Variants in HIVEP1 observed in about 807,000 individuals in gnomAD.
HIVEP1 encodes the protein zinc finger protein 40.
Under a neutral mutation model 180.0 loss-of-function variants are expected in HIVEP1, and 36 were observed. The ratio of observed to expected loss-of-function variants is 0.20; its 90% confidence interval spans 0.15 to 0.26. The LOEUF (loss-of-function observed/expected upper bound fraction) is 0.26, where lower values mean the gene tolerates loss of function less well. HIVEP1 is among the 10% of genes least tolerant of loss of function. The pLI is 1.00. For synonymous variants in HIVEP1, 1,239 were observed against 1,239.0 expected (o/e 1.00, Z 0.00); for missense variants, 3,143 against 3,268.7 (o/e 0.96, Z 0.94).
At chr6:12,199,262 A>G in the HIVEP1 span, among the ~76,000 whole-genome samples, 1 of 152,170 alleles carries the variant, frequency 6.6e-6, no homozygotes, top group East Asian at 1.9e-4. Flanking sequence ...ACCAGTCACT[A>G]CACAGGACTG....
intron 7 of HIVEP1, among the ~76,000 whole-genome samples, chr6:12,142,971 A>G (rs1759142603): frequency 6.6e-6 from 1 of 152,232 alleles, no homozygotes; most frequent in Non-Finnish European, 1.5e-5. Flanking sequence ...AGGAGCTGGT[A>G]CCATTCCTTC....
At chr6:12,050,911 G>A (rs1408026247) in intron 2 of HIVEP1, among the ~76,000 whole-genome samples, 12 of 150,116 alleles carry the variant, frequency 8.0e-5, no homozygotes, top group African/African-American at 2.9e-4. Context: ...CAGGCCAGGC[G>A]CTAGGCATGC....
chr6:12,020,110 T>C (rs1344083788), intron 2 of HIVEP1: 1 of 270,442 alleles, frequency 3.7e-6, no homozygotes, highest in Non-Finnish European at 7.6e-6. Flanking sequence ...ATTGGGGACA[T>C]AAGTGAGACA....
intron 2 of HIVEP1, among the ~76,000 whole-genome samples, chr6:12,028,359 C>T (rs888829040): frequency 6.6e-6 from 1 of 152,138 alleles, no homozygotes; most frequent in Non-Finnish European, 1.5e-5. Flanking sequence ...AATGGCTTCA[C>T]GTGAAAGTCT....
At chr6:12,025,207 C>T (rs879713643) in intron 2 of HIVEP1, among the ~76,000 whole-genome samples, 2 of 152,172 alleles carry the variant, frequency 1.3e-5, no homozygotes, top group African/African-American at 2.4e-5. Context: ...GTAGAAAGTT[C>T]TTTCCTGATT....
rs761302449 is a variant in HIVEP1 at position 12,124,563 on chromosome 6, G to A, written c.4768G>A (p.Val1590Ile). The change falls in exon 4 of 9, where the codon GTT becomes ATT. Residue 1590 changes from valine (V) to isoleucine (I), a missense_variant. Physicochemically the swap from Val to Ile is conservative, Grantham distance 29. Transcript: ENST00000379388. ...GCCAAATCAAGTTATTTCAGATCCA[G>A]TTGGAACAGATCATTGTGTGACATC... is the stretch of plus-strand genomic sequence containing the variant. ...SLPNQVISDP[V>I]GTDHCVTSAT... The A allele has an allele frequency of 3.1e-6, 5 of 1,614,014 alleles. No homozygotes were observed. The highest frequency in any genetic ancestry group is 1.6e-4 in the Middle Eastern group (1 of 6,062).
intron 7 of HIVEP1, among the ~76,000 whole-genome samples, chr6:12,156,771 A>T (rs1198949912): frequency 1.3e-5 from 2 of 152,202 alleles, no homozygotes; most frequent in Non-Finnish European, 2.9e-5. Flanking sequence ...AGAATATGGT[A>T]TGTACTGGTG....
At chr6:12,192,459 C>T in the HIVEP1 span, among the ~76,000 whole-genome samples, 1 of 152,140 alleles carries the variant, frequency 6.6e-6, no homozygotes, top group Admixed American at 6.5e-5. Context: ...GGCTCTGTGT[C>T]CTCACCCAAA....
intron 2 of HIVEP1, among the ~76,000 whole-genome samples, chr6:12,057,350 C>T (rs1053533050): frequency 1.1e-4 from 17 of 152,114 alleles, no homozygotes; most frequent in African/African-American, 3.6e-4. Flanking sequence ...AGGACTATAG[C>T]ATTGTTTGTT....
intron 7 of HIVEP1, among the ~76,000 whole-genome samples, chr6:12,147,466 A>G (rs866830559): frequency 6.6e-6 from 1 of 152,226 alleles, no homozygotes; most frequent in Non-Finnish European, 1.5e-5. Context: ...TCTGGAGACA[A>G]AAGATTATAG....
chr6:12,088,143 G>A (rs1016097295), intron 2 of HIVEP1, among the ~76,000 whole-genome samples: 1 of 152,148 alleles, frequency 6.6e-6, no homozygotes, highest in Non-Finnish European at 1.5e-5. Flanking sequence ...CCCATGGTGT[G>A]CGGTGTCTGC....
rs139115736 is a variant in HIVEP1 at position 12,164,845 on chromosome 6, C to T, written c.*384C>T. ...ATTTTATGGCTATGGGGCAGAGTTT[C>T]TGTGTATAAATTAGTATGTAAACTC... On this transcript the variant is annotated 3_prime_UTR_variant, in exon 9 of 9. Transcript: ENST00000379388. The T allele has an allele frequency of 2.6e-3, 476 of 181,234 alleles. 2 individuals carry two copies. The highest frequency in any genetic ancestry group is 0.011 in the African/African-American group (441 of 41,732). 11.2% of individuals were successfully genotyped at this position (181,234 alleles called of 1,614,324 possible).
At chr6:12,188,491 G>A in the HIVEP1 span, among the ~76,000 whole-genome samples, 1 of 152,114 alleles carries the variant, frequency 6.6e-6, no homozygotes, top group African/African-American at 2.4e-5. Context: ...ATTGATATTT[G>A]TAGATTCTGT....
In HIVEP1 at chr6:12,036,888, A is replaced by G. The variant is rs1216732252; in HGVS notation, c.40+21220A>G. ...GCACCACTGCACTCCAGCCTGGGCAACAGAAGATTCATCTCAAAAACCAAA... is the reference window on the plus strand; with the variant it reads ...GCACCACTGCACTCCAGCCTGGGCAGCAGAAGATTCATCTCAAAAACCAAA... On this transcript the variant is annotated intron_variant, in intron 2 of 8. Coordinates refer to ENST00000379388, the MANE Select transcript of HIVEP1 (RefSeq NM_002114.4). 3.9e-5 allele frequency among the ~76,000 whole-genome samples: 6 copies of G among 152,372 alleles called. 1 individual carries two copies. The highest frequency in any genetic ancestry group is 1.4e-4 in the African/African-American group (6 of 41,592).
chr6:12,097,748 A>G (rs951852847), intron 3 of HIVEP1, among the ~76,000 whole-genome samples: 3 of 152,164 alleles, frequency 2.0e-5, no homozygotes, highest in African/African-American at 7.2e-5. Context: ...CCTTTCAGAT[A>G]GACTGCCAGC....
the HIVEP1 span, among the ~76,000 whole-genome samples, chr6:12,210,010 G>A: frequency 6.6e-6 from 1 of 152,034 alleles, no homozygotes; most frequent in Non-Finnish European, 1.5e-5. Context: ...CCAGCTACTC[G>A]GAGAATCGCT....
At chr6:12,117,126 T>G (rs116660696) in intron 3 of HIVEP1, among the ~76,000 whole-genome samples, 2,214 of 152,268 alleles carry the variant, frequency 0.015, 22 homozygotes, top group Middle Eastern at 0.058. Flanking sequence ...AAAAGAACTT[T>G]ATTCCAAAAA....
chr6:12,041,224 A>G (rs1303097748), intron 2 of HIVEP1, among the ~76,000 whole-genome samples: 1 of 152,048 alleles, frequency 6.6e-6, no homozygotes, highest in African/African-American at 2.4e-5. Flanking sequence ...GATCGAGACC[A>G]TCCTGGCTAA....
intron 2 of HIVEP1, among the ~76,000 whole-genome samples, chr6:12,052,211 A>T (rs150503288): frequency 6.6e-6 from 1 of 152,334 alleles, no homozygotes; most frequent in East Asian, 1.9e-4. Context: ...GAATGTATTG[A>T]TTCTTTTACT....
Sources: gnomAD v4.1 joint callset for allele counts (sites outside exome capture counted in the v4.1 genomes callset) on GRCh38, gnomAD v4.1.1 for gene constraint, MANE v1.5 for transcripts, NCBI Gene and HGNC (gene_info 2026-07-23, HGNC 2026-07-21) for gene names.